Variants in SGPL1 observed in about 807,000 individuals in gnomAD.
SGPL1 encodes the protein SP-lyase 1.
SGPL1 carries 37 observed loss-of-function variants against 68.9 expected under a neutral mutation model. That is an observed-to-expected ratio of 0.54 (90% confidence interval 0.41 to 0.71). The LOEUF (loss-of-function observed/expected upper bound fraction) is 0.71, where lower values mean the gene tolerates loss of function less well. SGPL1 is among the 30% of genes least tolerant of loss of function. The probability of loss-of-function intolerance (pLI) is 0.00; values close to 1 mark genes in which losing one functional copy is unlikely to be tolerated. For synonymous variants in SGPL1, 236 were observed against 248.5 expected (o/e 0.95, Z 0.47); for missense variants, 551 against 704.6 (o/e 0.78, Z 2.47).
At chr10:70,820,626 T>C (rs1294452923) in intron 2 of SGPL1, 3 of 151,936 alleles carry the variant, frequency 2.0e-5, no homozygotes, top group East Asian at 1.9e-4. Flanking sequence ...AATACAAAAA[T>C]TAGCTGGGCA....
chr10:70,823,682 CATATATAT>C (rs1222888806), intron 2 of SGPL1, among the ~76,000 whole-genome samples: 1 of 146,558 alleles, frequency 6.8e-6, no homozygotes, highest in African/African-American at 2.5e-5. Context: ...CAAAACAGTA[CATATATAT>C]AGATATATAG....
intron 2 of SGPL1, among the ~76,000 whole-genome samples, chr10:70,818,073 A>G (rs1212148806): frequency 1.3e-5 from 2 of 152,160 alleles, no homozygotes; most frequent in Admixed American, 6.5e-5. Flanking sequence ...AAATGGTGGT[A>G]TAGAAAAAGT....
rs181665751 is a variant in SGPL1 at position 70,818,531 on chromosome 10, C to T, written c.27+1651C>T. The stretch of plus-strand genomic sequence containing the variant: ...CTCACTATCCCAGAGGGTGGGTTGG[C>T]GTCACTGGGAAACTGGCAAAAACTG... On this transcript the variant is annotated intron_variant, in intron 2 of 14. Transcript: ENST00000373202. Among the ~76,000 whole-genome samples, 3 of 152,258 alleles carry T rather than the reference C, an allele frequency of 2.0e-5. No homozygotes were observed. The East Asian group carries it at 5.8e-4, about 29-fold the overall frequency.
chr10:70,843,198 A>G lies in SGPL1; in HGVS notation c.28-1275A>G, dbSNP rs184939556. Among the ~76,000 whole-genome samples, 107 of 152,120 alleles carry G rather than the reference A, an allele frequency of 7.0e-4. 1 individual carries two copies. Among genetic ancestry groups the G allele is most frequent in the Admixed American group, 1.4e-3 (22 of 15,288 alleles). On this transcript the variant is annotated intron_variant, in intron 2 of 14. Transcript: ENST00000373202. Reference sequence around the variant, plus strand: ...CTCAGTGCTCCATCTTGGCACTCATATGCTTTTTGTGGCTATTCCCCTGAG... The same window carrying G: ...CTCAGTGCTCCATCTTGGCACTCATGTGCTTTTTGTGGCTATTCCCCTGAG...
intron 2 of SGPL1, among the ~76,000 whole-genome samples, chr10:70,832,828 G>C (rs1260679912): frequency 1.3e-5 from 2 of 152,102 alleles, no homozygotes; most frequent in Admixed American, 6.5e-5. Context: ...TACAAAACTG[G>C]TAATTGCTCT....
rs1845947174 is a variant in SGPL1 at position 70,855,337 on chromosome 10, C to G, written c.409+482C>G. Among the ~76,000 whole-genome samples the G allele has an allele frequency of 2.6e-5, 4 of 152,298 alleles. No individual in the cohort carries two copies. The South Asian group carries it at 8.3e-4, about 32-fold the overall frequency. ...GTATATCTGTCTGTTTCTGAGAATG[C>G]TAATAGTGTTTGTCTGTGTGTATAC... On this transcript the variant is annotated intron_variant, in intron 5 of 14. Transcript: ENST00000373202.
At chr10:70,827,972 T>C (rs1420259269) in intron 2 of SGPL1, among the ~76,000 whole-genome samples, 1 of 152,230 alleles carries the variant, frequency 6.6e-6, no homozygotes, top group African/African-American at 2.4e-5. Context: ...GCATTAGTTT[T>C]TCTTTCTTAT....
intron 3 of SGPL1, 152 bp downstream of exon 3, chr10:70,844,790 AGTGCACTGGC>A: frequency 1.4e-6 from 1 of 720,850 alleles, no homozygotes; most frequent in Non-Finnish European, 2.2e-6. Flanking sequence ...GCTAGGCTGG[AGTGCACTGGC>A]CTGATCTTGG....
At chr10:70,823,323 TTTTG>T (rs1396287197) in intron 2 of SGPL1, among the ~76,000 whole-genome samples, 1 of 150,010 alleles carries the variant, frequency 6.7e-6, no homozygotes, top group Non-Finnish European at 1.5e-5. Context: ...CTAGTAAAAG[TTTTG>T]TTTAATTCTA....
chr10:70,861,490 A>C, intron 7 of SGPL1, among the ~76,000 whole-genome samples: 2 of 152,194 alleles, frequency 1.3e-5, no homozygotes, highest in Non-Finnish European at 2.9e-5. Context: ...GGCAGTCCTC[A>C]CAGCCCTCGC....
At chr10:70,850,547 T>C (rs2131895632) in intron 3 of SGPL1, among the ~76,000 whole-genome samples, 1 of 152,362 alleles carries the variant, frequency 6.6e-6, no homozygotes, top group Non-Finnish European at 1.5e-5. Flanking sequence ...CCTGTAGGTG[T>C]ACTTGTAGTT....
intron 2 of SGPL1, among the ~76,000 whole-genome samples, chr10:70,835,766 A>C (rs1397495142): frequency 2.0e-5 from 3 of 151,988 alleles, no homozygotes; most frequent in African/African-American, 7.2e-5. Context: ...AATGCCAAGA[A>C]GACATTGTAC....
At chr10:70,872,323 G>A (rs889714672) in intron 11 of SGPL1, among the ~76,000 whole-genome samples, 1 of 152,216 alleles carries the variant, frequency 6.6e-6, no homozygotes, top group Non-Finnish European at 1.5e-5. Flanking sequence ...TGAGGTGGAG[G>A]GTAGAGGAGT....
At chr10:70,828,456 G>A (rs1162170656) in intron 2 of SGPL1, among the ~76,000 whole-genome samples, 1 of 152,196 alleles carries the variant, frequency 6.6e-6, no homozygotes, top group Non-Finnish European at 1.5e-5. Context: ...GCTTCCTAAA[G>A]TGCTGCGATT....
At chr10:70,850,574 A>T (rs1845863120) in intron 3 of SGPL1, among the ~76,000 whole-genome samples, 1 of 152,176 alleles carries the variant, frequency 6.6e-6, no homozygotes, top group African/African-American at 2.4e-5. Context: ...GTAGGTGTGC[A>T]GTATGGTGTG....
chr10:70,871,590 G>A (rs1846297838), intron 10 of SGPL1, among the ~76,000 whole-genome samples: 1 of 152,052 alleles, frequency 6.6e-6, no homozygotes, highest in Admixed American at 6.5e-5. Flanking sequence ...ATACCGCAGA[G>A]CGTTTGAGGT....
chr10:70,835,903 C>T (rs140861382), intron 2 of SGPL1, among the ~76,000 whole-genome samples: 337 of 152,206 alleles, frequency 2.2e-3, no homozygotes, highest in Middle Eastern at 6.8e-3. Flanking sequence ...GAGTGAATAA[C>T]AGACTTACAC....
chr10:70,847,182 C>T (rs942731226), intron 3 of SGPL1, among the ~76,000 whole-genome samples: 10 of 152,058 alleles, frequency 6.6e-5, no homozygotes. Context: ...GAGTCTCACT[C>T]TGTCACCCAG....
At chr10:70,847,093 T>C (rs560131479) in intron 3 of SGPL1, among the ~76,000 whole-genome samples, 3 of 152,278 alleles carry the variant, frequency 2.0e-5, no homozygotes, top group East Asian at 1.9e-4. Context: ...TGATGAGATA[T>C]GCCATCTAAA....
Sources: gnomAD v4.1 joint callset for allele counts (sites outside exome capture counted in the v4.1 genomes callset) on GRCh38, gnomAD v4.1.1 for gene constraint, MANE v1.5 for transcripts, NCBI Gene and HGNC (gene_info 2026-07-23, HGNC 2026-07-21) for gene names.